ZCCHC2: variants seen among roughly 807,000 people sequenced by gnomAD.
The protein encoded by ZCCHC2 is zinc finger CCHC domain-containing protein 2.
ZCCHC2 carries 39 observed loss-of-function variants against 103.6 expected under a neutral mutation model. The ratio of observed to expected loss-of-function variants is 0.38; its 90% confidence interval spans 0.29 to 0.49. ZCCHC2 has a LOEUF of 0.49. ZCCHC2 is among the 20% of genes least tolerant of loss of function. ZCCHC2 has a pLI of 0.96. For synonymous variants in ZCCHC2, 687 were observed against 608.9 expected, an observed-to-expected ratio of 1.13 and a Z score of -1.89; for missense variants, 1,483 against 1,491.0, an observed-to-expected ratio of 0.99 and a Z score of 0.09.
intron 6 of ZCCHC2, among the ~76,000 whole-genome samples, chr18:62,557,041 A>T (rs1000695073): frequency 6.6e-6 from 1 of 152,122 alleles, no homozygotes; most frequent in African/African-American, 2.4e-5. Flanking sequence ...TTACTTAAAC[A>T]TACATCCTTT....
rs547336296 is a variant in ZCCHC2, at chr18:62,555,359, C to T, written c.1314-844C>T. 2.0e-5 allele frequency among the ~76,000 whole-genome samples: 3 copies of T among 152,280 alleles called. No individual in the cohort carries two copies. In the South Asian group the frequency reaches 6.2e-4, roughly 32 times the overall value. On this transcript the variant is annotated intron_variant, in intron 5 of 13. Transcript: ENST00000269499. ...TAACTTTGACTCATGGCATGATACA[C>T]ATTCAACATGAGTCATCAGTTAGTC... is the stretch of plus-strand genomic sequence containing the variant.
intron 1 of ZCCHC2, chr18:62,526,242 A>G (rs1373418635): frequency 6.6e-6 from 1 of 152,170 alleles, no homozygotes; most frequent in African/African-American, 2.4e-5. Flanking sequence ...GGACAAAGTG[A>G]GGTTGGGCAT....
At chr18:62,583,133 G>A (rs143785684), downstream of ZCCHC2, among the ~76,000 whole-genome samples, 186 of 152,200 alleles carry the variant, frequency 1.2e-3, no homozygotes, top group Admixed American at 1.8e-3. Flanking sequence ...AGATGTGGAC[G>A]AGAACAGGTT....
rs1568558889 is a variant in ZCCHC2 at position 62,574,338 on chromosome 18, C to T, written c.2257C>T (p.Pro753Ser). 1.2e-6 allele frequency: 2 copies of T among 1,614,036 alleles called. No homozygotes were observed. The highest frequency in any genetic ancestry group is 1.1e-5 in the South Asian group (1 of 91,084). ...TGGCAAAACCATAGGGATGCTTGTT[C>T]CTAGTCCTGTTGCTATTTCTGCAAT... Reference protein sequence around the residue: ...ADGKTIGMLVPSPVAISAIRE... With the variant: ...ADGKTIGMLVSSPVAISAIRE... Residue 753 changes from proline to serine, a missense_variant, in exon 13 of 14, where the codon CCT becomes TCT. Pro to Ser is a moderately conservative substitution (Grantham distance 74). Around this residue, in one of 3 missense-constraint regions of ZCCHC2, gnomAD observed 884 missense variants for 907.5 expected, o/e 0.97. Transcript: ENST00000269499.
In ZCCHC2 at chr18:62,523,820, G is replaced by C. The variant is rs1299998970; in HGVS notation, c.396G>C (p.Ser132=). The change falls in exon 1 of 14, where the codon TCG becomes TCC. Residue 132 remains serine, a synonymous_variant. Transcript: ENST00000269499. ...CGCTGGAGCTGCGCTTCCTTGGCTC[G>C]TGCCTGGAGGACCTGGCGCGCAAGG... is the stretch of plus-strand genomic sequence containing the variant. ...CNPLELRFLG[S]CLEDLARKDY... 3 of 1,544,098 alleles carry C rather than the reference G, an allele frequency of 1.9e-6. No homozygotes were observed. Among genetic ancestry groups the C allele is most frequent in the African/African-American group, 2.8e-5 (2 of 72,700 alleles).
intron 5 of ZCCHC2, among the ~76,000 whole-genome samples, chr18:62,554,696 A>G (rs1276641136): frequency 1.3e-5 from 2 of 152,204 alleles, no homozygotes; most frequent in African/African-American, 2.4e-5. Flanking sequence ...GCTTTTGACC[A>G]GTTGGTTTCT....
At chr18:62,539,470 A>C (rs530156051) in intron 1 of ZCCHC2, 1 of 443,150 alleles carries the variant, frequency 2.3e-6, no homozygotes, top group South Asian at 2.8e-5. Flanking sequence ...CCTGTGTCCC[A>C]AGAAAGCTAG....
At chr18:62,570,272 G>A (rs753557507) in intron 12 of ZCCHC2, 41 bp downstream of exon 12, 14 of 1,599,890 alleles carry the variant, frequency 8.8e-6, no homozygotes, top group Admixed American at 1.7e-5. Flanking sequence ...CATGGCAGGG[G>A]TGGGGAAGTG....
chr18:62,543,640 A>G lies in ZCCHC2; in HGVS notation c.1128+1066A>G, dbSNP rs73963444. 4.7e-3 allele frequency among the ~76,000 whole-genome samples: 717 copies of G among 152,238 alleles called. 10 individuals carry two copies. Among genetic ancestry groups the G allele is most frequent in the African/African-American group, 0.017 (688 of 41,542 alleles). On this transcript the variant is annotated intron_variant, in intron 3 of 13. Coordinates refer to ENST00000269499, the MANE Select transcript of ZCCHC2 (RefSeq NM_017742.6). ...CTTCCCCCATTTCCCCAGACCGAGGACAGGCCACCTTCTGGCTCTAAAGCT... is the reference window on the plus strand; with the variant it reads ...CTTCCCCCATTTCCCCAGACCGAGGGCAGGCCACCTTCTGGCTCTAAAGCT...
intron 1 of ZCCHC2, 121 bp downstream of exon 1, chr18:62,524,484 C>A: frequency 7.3e-7 from 1 of 1,369,568 alleles, no homozygotes; most frequent in Non-Finnish European, 9.4e-7. Context: ...TCGGAATCCC[C>A]ACCCGGCAGC....
At chr18:62,579,118 G>A (rs1446167282), downstream of ZCCHC2, among the ~76,000 whole-genome samples, 1 of 152,130 alleles carries the variant, frequency 6.6e-6, no homozygotes, top group Non-Finnish European at 1.5e-5. Context: ...AGAGAAAGGG[G>A]GACTGCACTC....
In ZCCHC2 at chr18:62,574,683, A is replaced by C. The variant is rs773465231; in HGVS notation, c.2602A>C (p.Ile868Leu). The C allele has an allele frequency of 6.2e-7, 1 of 1,613,984 alleles. No homozygotes were observed. Among genetic ancestry groups the C allele is most frequent in the Admixed American group, 1.7e-5 (1 of 60,014 alleles). Residue 868 changes from isoleucine to leucine, a missense_variant, in exon 13 of 14, where the codon ATC (isoleucine) becomes CTC (leucine). Coordinates refer to ENST00000269499, the MANE Select transcript of ZCCHC2 (RefSeq NM_017742.6). ...PGSPVATTDP[I>L]TKSASQVVGL... ...CTCTCCTGTTGCTACCACGGACCCC[A>C]TCACAAAATCTGCATCCCAAGTGGT...
chr18:62,569,998 G>C, intron 11 of ZCCHC2, 105 bp from the exon 12 acceptor site: 1 of 1,132,694 alleles, frequency 8.8e-7, no homozygotes, highest in South Asian at 1.7e-5. Flanking sequence ...ATGGTTGTGG[G>C]GAAACTGAAG....
rs769136564 is a variant in ZCCHC2 at position 62,524,374 on chromosome 18, C to T, written c.939+11C>T. 4.7e-6 allele frequency: 7 copies of T among 1,494,006 alleles called. No homozygotes were observed. The highest frequency in any genetic ancestry group is 4.4e-6 in the Non-Finnish European group (5 of 1,125,716). The allele number at this position is 1,494,006 out of a possible 1,614,324, so 92.5% of individuals were successfully genotyped here. ...GGCCCCAGGGCCCAGGTAAGGCGCACGGAGCCTCCCTGGACTCGCGGTGCG... is the reference window on the plus strand; with the variant it reads ...GGCCCCAGGGCCCAGGTAAGGCGCATGGAGCCTCCCTGGACTCGCGGTGCG... On this transcript the variant is annotated intron_variant, in intron 1 of 13. Transcript: ENST00000269499.
intron 1 of ZCCHC2, 112 bp downstream of exon 1, chr18:62,524,475 C>G: frequency 7.2e-7 from 1 of 1,385,046 alleles, no homozygotes; most frequent in Non-Finnish European, 9.3e-7. Context: ...GCAGGTGGCT[C>G]GGAATCCCCA....
Position 62,576,725 on chromosome 18 carries a change from TG to T in ZCCHC2, c.*147del, listed in dbSNP as rs1916858445. The stretch of plus-strand genomic sequence containing the variant: ...GGATTTTTCATTTCTCTTGTACCAA[TG>T]TCCAAAACAAGAAAGAATGCAATGC... On this transcript the variant is annotated 3_prime_UTR_variant, in exon 14 of 14. Coordinates refer to ENST00000269499, the MANE Select transcript of ZCCHC2 (RefSeq NM_017742.6). 1 of 717,448 alleles carries T rather than the reference TG, an allele frequency of 1.4e-6. No individual in the cohort carries two copies. The highest frequency in any genetic ancestry group is 2.3e-6 in the Non-Finnish European group (1 of 440,832). The allele number at this position is 717,448 out of a possible 1,614,324, so 44.4% of individuals were successfully genotyped here.
At chr18:62,533,683 A>G (rs763034429) in intron 1 of ZCCHC2, among the ~76,000 whole-genome samples, 2 of 152,050 alleles carry the variant, frequency 1.3e-5, no homozygotes, top group Non-Finnish European at 2.9e-5. Flanking sequence ...CCTGACCAAC[A>G]TAGTGAAACC....
intron 1 of ZCCHC2, 197 bp from the exon 2 acceptor site, chr18:62,539,484 A>C: frequency 2.1e-6 from 1 of 477,814 alleles, no homozygotes; most frequent in Non-Finnish European, 3.8e-6. Context: ...AAGCTAGGAC[A>C]GTCAATAATT....
rs1045393518 is a variant in ZCCHC2, at chr18:62,578,122, T to C, written c.*1543T>C. 6.6e-6 allele frequency: 1 copy of C among 152,346 alleles called. No homozygotes were observed. Among genetic ancestry groups the C allele is most frequent in the Non-Finnish European group, 1.5e-5 (1 of 68,006 alleles). 9.4% of individuals were successfully genotyped at this position (152,346 alleles called of 1,614,324 possible). ...GCTTCATAAGTAGCATTTATATTTATAGCACCAATGTACATTTTGAAACTT... is the reference window on the plus strand; with the variant it reads ...GCTTCATAAGTAGCATTTATATTTACAGCACCAATGTACATTTTGAAACTT... On this transcript the variant is annotated 3_prime_UTR_variant, in exon 14 of 14. Transcript: ENST00000269499.
Sources: allele counts gnomAD v4.1 joint callset (sites outside exome capture counted in the v4.1 genomes callset), GRCh38; gene constraint gnomAD v4.1.1; regional missense constraint gnomAD v4.1.1; transcripts MANE v1.5; gene names NCBI Gene and HGNC (gene_info 2026-07-23, HGNC 2026-07-21).